Variants in TEX2 observed in about 807,000 individuals in gnomAD.
TEX2 encodes the protein testis-expressed protein 2.
A neutral mutation model predicts 106.9 loss-of-function variants in TEX2; 53 were observed. The observed-to-expected ratio is 0.50, with a 90% CI of 0.40 to 0.62. The LOEUF is 0.62. TEX2 is among the 20% of genes least tolerant of loss of function. The probability of loss-of-function intolerance (pLI) is 0.00; values close to 1 mark genes in which losing one functional copy is unlikely to be tolerated. For synonymous variants in TEX2, 523 were observed against 534.8 expected, an observed-to-expected ratio of 0.98 and a Z score of 0.30; for missense variants, 1,207 against 1,379.0, an observed-to-expected ratio of 0.88 and a Z score of 1.98.
chr17:64,219,462 G>A (rs1306564218), intron 1 of TEX2, among the ~76,000 whole-genome samples: 1 of 149,730 alleles, frequency 6.7e-6, no homozygotes, highest in Non-Finnish European at 1.5e-5. Flanking sequence ...GGCAAGATTG[G>A]GCCACTGCAC....
intron 5 of TEX2, among the ~76,000 whole-genome samples, chr17:64,183,789 TTTA>T (rs2031973285): frequency 6.6e-6 from 1 of 151,908 alleles, no homozygotes; most frequent in Non-Finnish European, 1.5e-5. Flanking sequence ...TTTAAAAATT[TTTA>T]TTATTTATTT....
chr17:64,180,726 T>C (rs1350610320), intron 5 of TEX2, among the ~76,000 whole-genome samples: 4 of 152,308 alleles, frequency 2.6e-5, no homozygotes, highest in Middle Eastern at 3.4e-3. Flanking sequence ...CAAATAAGTG[T>C]AGAGAAAATT....
At position 64,153,532 on chromosome 17, in the gene TEX2, T is replaced by C. The variant is rs1169225591; in HGVS notation, c.2931-378A>G. 6.6e-6 allele frequency among the ~76,000 whole-genome samples: 1 copy of C among 152,178 alleles called. No homozygotes were observed. Among genetic ancestry groups the C allele is most frequent in the Non-Finnish European group, 1.5e-5 (1 of 68,024 alleles). ...TCCTCATGCAGAGGTTTCTCACCTG[T>C]CCTCCTTTATACTACTCCAATACCA... is the stretch of plus-strand genomic sequence containing the variant. On this transcript the variant is annotated intron_variant, in intron 9 of 11. Coordinates refer to ENST00000584379, the MANE Select transcript of TEX2 (RefSeq NM_001288732.2). The surrounding 1 kb of genome is among the most constrained non-coding windows in gnomAD (Gnocchi z 4.1).
At chr17:64,172,468 G>A (rs1019856483) in intron 6 of TEX2, among the ~76,000 whole-genome samples, 4 of 152,074 alleles carry the variant, frequency 2.6e-5, no homozygotes, top group Non-Finnish European at 5.9e-5. Flanking sequence ...CTGTGCCAAC[G>A]GTCTCTTTTA....
chr17:64,216,211 C>T (rs782129528), intron 1 of TEX2, among the ~76,000 whole-genome samples: 1 of 152,118 alleles, frequency 6.6e-6, no homozygotes, highest in African/African-American at 2.4e-5. Context: ...ACAATCCTTC[C>T]CTGTTATCTT....
At chr17:64,184,807 T>G (rs184738182) in intron 5 of TEX2, among the ~76,000 whole-genome samples, 24 of 152,224 alleles carry the variant, frequency 1.6e-4, no homozygotes, top group Non-Finnish European at 2.9e-4. Flanking sequence ...CCCATAGATA[T>G]CCAGTTGTTC....
At chr17:64,174,127 A>G (rs2331552) in intron 6 of TEX2, among the ~76,000 whole-genome samples, 125,204 of 152,168 alleles carry the variant, frequency 0.82, 51,584 homozygotes, top group Middle Eastern at 0.89. Flanking sequence ...TTACAGGCAT[A>G]AGCCACCATG....
intron 2 of TEX2, among the ~76,000 whole-genome samples, chr17:64,209,109 G>A (rs1283657399): frequency 2.0e-5 from 3 of 152,116 alleles, no homozygotes; most frequent in African/African-American, 7.2e-5. Flanking sequence ...AGATGGACAG[G>A]GCCTATGCAT....
At chr17:64,210,634 C>CCTTTT (rs1360266899) in intron 2 of TEX2, among the ~76,000 whole-genome samples, 11 of 74,758 alleles carry the variant, frequency 1.5e-4, no homozygotes, top group African/African-American at 6.3e-4. Context: ...CAACCCCCAG[C>CCTTTT]TTTTTTTTTT....
At chr17:64,200,476 C>T (rs1226586057) in intron 2 of TEX2, among the ~76,000 whole-genome samples, 1 of 152,212 alleles carries the variant, frequency 6.6e-6, no homozygotes, top group African/African-American at 2.4e-5. Flanking sequence ...GAAGAACAGC[C>T]ACTGTGGAGT....
intron 3 of TEX2, among the ~76,000 whole-genome samples, chr17:64,194,439 T>C (rs1428587668): frequency 6.6e-6 from 1 of 152,210 alleles, no homozygotes; most frequent in Non-Finnish European, 1.5e-5. Flanking sequence ...CTCACAAAAA[T>C]AGAAGTATAT....
chr17:64,237,341 C>T (rs2033793468), intron 1 of TEX2, among the ~76,000 whole-genome samples: 1 of 151,788 alleles, frequency 6.6e-6, no homozygotes, highest in Non-Finnish European at 1.5e-5. Flanking sequence ...TCATGCAGTG[C>T]CTTGAAGGCC....
At chr17:64,250,628 G>T (rs2034071759) in intron 1 of TEX2, among the ~76,000 whole-genome samples, 1 of 152,194 alleles carries the variant, frequency 6.6e-6, no homozygotes, top group East Asian at 1.9e-4. Context: ...TAACACTGTT[G>T]TCTCGGTCTG....
chr17:64,213,792 C>A lies in TEX2; in HGVS notation c.426G>T (p.Gly142=). The stretch of plus-strand genomic sequence containing the variant: ...ACACACTGGGAGAGCTAGCTAAGGG[C>A]CCCGACGAAGACGACCCTGGGGACA... ...LAVSPGSSSS[G]PLASSPSVSS... The change falls in exon 2 of 12, where the codon GGG becomes GGT. Residue 142 remains glycine (G), a synonymous_variant. Coordinates refer to ENST00000584379, the MANE Select transcript of TEX2 (RefSeq NM_001288732.2). The surrounding 1 kb of genome is among the most constrained non-coding windows in gnomAD (Gnocchi z 4.4). 6.2e-7 allele frequency: 1 copy of A among 1,614,142 alleles called. No homozygotes were observed. The highest frequency in any genetic ancestry group is 8.5e-7 in the Non-Finnish European group (1 of 1,180,026).
At chr17:64,263,117 A>G (rs2143557609) in intron 1 of TEX2, 51 bp downstream of exon 1, 1 of 152,348 alleles carries the variant, frequency 6.6e-6, no homozygotes, top group South Asian at 2.1e-4. Context: ...CCCGGGCCTT[A>G]TCCGCGGGGC....
In TEX2 at chr17:64,154,838, T is replaced by G. The variant is rs558774396; in HGVS notation, c.2930+4A>C. On this transcript the variant is annotated splice_donor_region_variant and intron_variant, in intron 9 of 11. Coordinates refer to ENST00000584379, the MANE Select transcript of TEX2 (RefSeq NM_001288732.2). The stretch of plus-strand genomic sequence containing the variant: ...CAGAGGCACAGAAGCACTGATCCAC[T>G]CACCCTTCAGCCCCTGGGAGGAGCT... 1.3e-6 allele frequency: 2 copies of G among 1,592,636 alleles called. No individual in the cohort carries two copies. Among genetic ancestry groups the G allele is most frequent in the South Asian group, 2.3e-5 (2 of 88,114 alleles).
chr17:64,195,206 C>T lies in TEX2; in HGVS notation c.1645-111G>A, dbSNP rs1010212270. 5 of 935,726 alleles carry T rather than the reference C, an allele frequency of 5.3e-6. No individual in the cohort carries two copies. Among genetic ancestry groups the T allele is most frequent in the Non-Finnish European group, 8.3e-6 (5 of 602,082 alleles). 58.0% of individuals were successfully genotyped at this position (935,726 alleles called of 1,614,324 possible). On this transcript the variant is annotated intron_variant, in intron 2 of 11. Coordinates refer to ENST00000584379, the MANE Select transcript of TEX2 (RefSeq NM_001288732.2). This position sits in a 1 kb window ranked among gnomAD's most constrained non-coding sequence, Gnocchi z 4.1. ...ACACTGAAACCAAACTTGATCACGA[C>T]ACAGATATCAGCTCACCAATGACTA...
chr17:64,175,236 C>A (rs1207040369), intron 6 of TEX2, among the ~76,000 whole-genome samples: 2 of 152,180 alleles, frequency 1.3e-5, no homozygotes, highest in Non-Finnish European at 2.9e-5. Flanking sequence ...ACCAGGGGCT[C>A]CTCTGGTCTG....
chr17:64,182,374 T>C (rs1336293972), intron 5 of TEX2, among the ~76,000 whole-genome samples: 1 of 152,130 alleles, frequency 6.6e-6, no homozygotes, highest in African/African-American at 2.4e-5. Context: ...ATTATACAAG[T>C]TGAAGAGAAT....
Sources: allele counts gnomAD v4.1 joint callset (sites outside exome capture counted in the v4.1 genomes callset), GRCh38; gene constraint gnomAD v4.1.1; non-coding constraint Gnocchi (gnomAD v3.1); transcripts MANE v1.5; gene names NCBI Gene and HGNC (gene_info 2026-07-23, HGNC 2026-07-21).